FARS2: variants seen among roughly 807,000 people sequenced by gnomAD.
FARS2 encodes phenylalanyl-tRNA synthetase 2, mitochondrial.
A neutral mutation model predicts 46.4 loss-of-function variants in FARS2; 40 were observed. The ratio of observed to expected loss-of-function variants is 0.86; its 90% CI spans 0.67 to 1.12. The LOEUF (loss-of-function observed/expected upper bound fraction) is 1.12, where lower values mean the gene tolerates loss of function less well. Among genes scored for constraint, FARS2 ranks in the 50% most tolerant of loss-of-function variants. The probability of loss-of-function intolerance (pLI) is 0.00; values close to 1 mark genes in which losing one functional copy is unlikely to be tolerated. For synonymous variants in FARS2, 234 were observed against 214.9 expected, an observed-to-expected ratio of 1.09 and a Z score of -0.78; for missense variants, 513 against 567.9, an observed-to-expected ratio of 0.90 and a Z score of 0.98.
chr6:5,363,286 A>G (rs1430885208), intron 1 of FARS2, among the ~76,000 whole-genome samples: 1 of 151,908 alleles, frequency 6.6e-6, no homozygotes, highest in Non-Finnish European at 1.5e-5. Context: ...TTCCTTATGT[A>G]TTTTGGACAT....
intron 1 of FARS2, among the ~76,000 whole-genome samples, chr6:5,281,021 G>A (rs1766686738): frequency 6.6e-6 from 1 of 152,096 alleles, no homozygotes; most frequent in African/African-American, 2.4e-5. Flanking sequence ...TTAGTTTGAG[G>A]GATGACACTT....
chr6:5,584,482 G>T (rs1047594001), intron 5 of FARS2, among the ~76,000 whole-genome samples: 4 of 152,024 alleles, frequency 2.6e-5, no homozygotes, highest in African/African-American at 7.3e-5. Context: ...TTTAAATGTG[G>T]TTTCAAAGGT....
At chr6:5,294,895 T>C (rs958605684) in intron 1 of FARS2, among the ~76,000 whole-genome samples, 1 of 151,842 alleles carries the variant, frequency 6.6e-6, no homozygotes, top group Non-Finnish European at 1.5e-5. Context: ...AAGTATAGGG[T>C]GGGACTCTCT....
intron 6 of FARS2, among the ~76,000 whole-genome samples, chr6:5,716,101 T>C (rs1278912436): frequency 6.6e-6 from 1 of 152,276 alleles, no homozygotes; most frequent in Non-Finnish European, 1.5e-5. Context: ...TTTTTCCAGC[T>C]ATTCTTTTGA....
chr6:5,454,117 C>T (rs996940571), intron 4 of FARS2, among the ~76,000 whole-genome samples: 16 of 150,540 alleles, frequency 1.1e-4, no homozygotes, highest in African/African-American at 3.9e-4. Context: ...AACATCATGT[C>T]CCTGGTTTGT....
intron 5 of FARS2, among the ~76,000 whole-genome samples, chr6:5,570,818 C>G (rs773338235): frequency 2.6e-5 from 4 of 152,174 alleles, no homozygotes; most frequent in Non-Finnish European, 5.9e-5. Context: ...TGCACTGTCA[C>G]CACAGCTGTG....
Position 5,496,122 on chromosome 6 carries a change from A to G in FARS2, c.905-49058A>G, listed in dbSNP as rs928423157. On this transcript the variant is annotated intron_variant, in intron 4 of 6. Coordinates refer to ENST00000274680, the MANE Select transcript of FARS2 (RefSeq NM_006567.5). ...TTACTACGGCCATATAAAACAATAT[A>G]TGCCCTTTTCTTCTTATCTTTTTTT... 2.6e-5 allele frequency among the ~76,000 whole-genome samples: 4 copies of G among 152,214 alleles called. No homozygotes were observed. The South Asian group carries it at 8.3e-4, about 32-fold the overall frequency.
intron 6 of FARS2, among the ~76,000 whole-genome samples, chr6:5,681,017 C>T (rs1404494407): frequency 1.3e-5 from 2 of 152,150 alleles, no homozygotes; most frequent in African/African-American, 2.4e-5. Context: ...CATAATCGCC[C>T]TCATAGAAGG....
At chr6:5,408,868 T>G (rs1258687770) in intron 3 of FARS2, among the ~76,000 whole-genome samples, 1 of 152,184 alleles carries the variant, frequency 6.6e-6, no homozygotes, top group African/African-American at 2.4e-5. Flanking sequence ...GTAGCCTTAT[T>G]GGTGCTGATG....
chr6:5,482,990 A>C (rs1199907532), intron 4 of FARS2, among the ~76,000 whole-genome samples: 1 of 152,168 alleles, frequency 6.6e-6, no homozygotes, highest in Non-Finnish European at 1.5e-5. Context: ...CAGGGCCCAC[A>C]AGGAGCCATA....
intron 6 of FARS2, among the ~76,000 whole-genome samples, chr6:5,732,050 C>T (rs547448963): frequency 3.3e-5 from 5 of 152,284 alleles, no homozygotes; most frequent in East Asian, 1.9e-4. Context: ...CAGCTGTCCC[C>T]GATGATCCTC....
At chr6:5,743,856 T>C (rs1761486392) in intron 6 of FARS2, among the ~76,000 whole-genome samples, 1 of 152,240 alleles carries the variant, frequency 6.6e-6, no homozygotes, top group Non-Finnish European at 1.5e-5. Context: ...AACTGTCTTG[T>C]TATATACTCT....
chr6:5,668,268 A>G lies in FARS2; in HGVS notation c.1217+54948A>G, dbSNP rs1404937135. 2.6e-5 allele frequency among the ~76,000 whole-genome samples: 4 copies of G among 152,316 alleles called. No homozygotes were observed. In the East Asian group the frequency reaches 5.8e-4, roughly 22 times the overall value. Reference sequence around the variant, plus strand: ...ATGTGAGGTTTATTTTCTGTTTTATATGTATCTTATAAGCAGCCACATGAG... The same window carrying G: ...ATGTGAGGTTTATTTTCTGTTTTATGTGTATCTTATAAGCAGCCACATGAG... On this transcript the variant is annotated intron_variant, in intron 6 of 6. Coordinates refer to ENST00000274680, the MANE Select transcript of FARS2 (RefSeq NM_006567.5).
intron 1 of FARS2, among the ~76,000 whole-genome samples, chr6:5,318,931 A>T (rs1415226251): frequency 6.6e-6 from 1 of 152,174 alleles, no homozygotes; most frequent in East Asian, 1.9e-4. Context: ...CATCGGCCTT[A>T]GGTTCCCTGC....
rs535205165 is a variant in FARS2, at chr6:5,660,772, G to C, written c.1217+47452G>C. On this transcript the variant is annotated intron_variant, in intron 6 of 6. Coordinates refer to ENST00000274680, the MANE Select transcript of FARS2 (RefSeq NM_006567.5). Reference sequence around the variant, plus strand: ...TAAGCAAAGCTCCCTGGCAGGAAAAGAAATCTATGGATCAGAGCTCTGGAA... The same window carrying C: ...TAAGCAAAGCTCCCTGGCAGGAAAACAAATCTATGGATCAGAGCTCTGGAA... Among the ~76,000 whole-genome samples, 57 of 152,250 alleles carry C rather than the reference G, an allele frequency of 3.7e-4. 1 individual carries two copies. The highest frequency in any genetic ancestry group is 6.8e-3 in the Middle Eastern group (2 of 294).
rs943943640 is a variant in FARS2 at position 5,352,382 on chromosome 6, T to G, written c.-21-16168T>G. ...TTGATTTTTTTCTGAAATCTTAAAC[T>G]CTAACTTGAAGTACGTCATGCCCAC... On this transcript the variant is annotated intron_variant, in intron 1 of 6. Coordinates refer to ENST00000274680, the MANE Select transcript of FARS2 (RefSeq NM_006567.5). Among the ~76,000 whole-genome samples, 46 of 151,872 alleles carry G rather than the reference T, an allele frequency of 3.0e-4. 1 individual carries two copies. The highest frequency in any genetic ancestry group is 8.2e-4 in the African/African-American group (34 of 41,348).
intron 4 of FARS2, among the ~76,000 whole-genome samples, chr6:5,540,000 C>T (rs905675767): frequency 4.6e-5 from 7 of 152,142 alleles, no homozygotes; most frequent in African/African-American, 1.2e-4. Context: ...TACAGTGGAG[C>T]CTAGACTGCC....
At chr6:5,427,371 C>T (rs963205455) in intron 3 of FARS2, among the ~76,000 whole-genome samples, 1 of 152,146 alleles carries the variant, frequency 6.6e-6, no homozygotes, top group Non-Finnish European at 1.5e-5. Flanking sequence ...GATAAGACTT[C>T]AAAAGCACAG....
chr6:5,345,246 T>C (rs977083357), intron 1 of FARS2, among the ~76,000 whole-genome samples: 18 of 152,184 alleles, frequency 1.2e-4, no homozygotes, highest in African/African-American at 4.3e-4. Context: ...CGTCTGTTCT[T>C]CCACCAGATG....
Sources: allele counts gnomAD v4.1 joint callset (sites outside exome capture counted in the v4.1 genomes callset), GRCh38; gene constraint gnomAD v4.1.1; transcripts MANE v1.5; gene names NCBI Gene and HGNC (gene_info 2026-07-23, HGNC 2026-07-21).